The following FAM200B variants were observed in gnomAD, a reference collection of about 807,000 sequenced individuals.
The protein encoded by FAM200B is zinc finger BED-type containing 11.
Under a neutral mutation model 33.1 loss-of-function variants are expected in FAM200B, and 32 were observed. That is an observed-to-expected ratio of 0.97 (90% confidence interval 0.73 to 1.30). FAM200B has a LOEUF of 1.30. Ranked by LOEUF, FAM200B falls within the 50% of genes most tolerant of loss-of-function variation. The probability of loss-of-function intolerance (pLI) is 0.00; values close to 1 mark genes in which losing one functional copy is unlikely to be tolerated. For synonymous variants in FAM200B, 240 were observed against 264.8 expected (o/e 0.91, Z 0.91); for missense variants, 741 against 754.0 (o/e 0.98, Z 0.20).
the FAM200B span, chr4:15,656,293 CTG>C: frequency 1.8e-5 from 8 of 456,028 alleles, no homozygotes; most frequent in Non-Finnish European, 3.5e-5. Context: ...CCTGGAGACT[CTG>C]TTCTCTGCTC....
the FAM200B span, among the ~76,000 whole-genome samples, chr4:15,661,584 G>GTT: frequency 6.6e-6 from 1 of 152,178 alleles, no homozygotes; most frequent in Non-Finnish European, 1.5e-5. Context: ...ACATTTAGTT[G>GTT]TAAGTGACAG....
At chr4:15,637,902 T>TTTAAAAA in the FAM200B span, among the ~76,000 whole-genome samples, 1 of 144,802 alleles carries the variant, frequency 6.9e-6, no homozygotes, top group African/African-American at 2.5e-5. Flanking sequence ...CTAGTTTTTT[T>TTTAAAAA]AAAAAAAAAA....
At chr4:15,676,503 A>C in the FAM200B span, among the ~76,000 whole-genome samples, 5 of 152,232 alleles carry the variant, frequency 3.3e-5, no homozygotes, top group African/African-American at 1.2e-4. Context: ...CAATAAAATG[A>C]AATATGTGGA....
At chr4:15,644,996 T>C in the FAM200B span, among the ~76,000 whole-genome samples, 2 of 152,140 alleles carry the variant, frequency 1.3e-5, no homozygotes, top group Non-Finnish European at 2.9e-5. Context: ...CCAGGCCCCT[T>C]CTAAACCTAA....
At position 15,685,919 on chromosome 4, in the gene FAM200B, A is replaced by T. The variant is rs145044741; in HGVS notation, c.-742-317A>T. Among the ~76,000 whole-genome samples, 992 of 152,332 alleles carry T rather than the reference A, an allele frequency of 6.5e-3. 4 individuals carry two copies. Among genetic ancestry groups the T allele is most frequent in the Middle Eastern group, 0.017 (5 of 292 alleles). ...AGGCATGACCAAGATAGGTGCGGCC[A>T]AGCAAAAAGGAAGTATGTATGGTGA... On this transcript the variant is annotated intron_variant, in intron 1 of 1. Transcript: ENST00000422728.
the FAM200B span, among the ~76,000 whole-genome samples, chr4:15,663,274 G>C: frequency 6.6e-6 from 1 of 152,278 alleles, no homozygotes; most frequent in South Asian, 2.1e-4. Flanking sequence ...GTACTCCACT[G>C]CATGGGACAT....
At chr4:15,678,799 T>C (rs1718088156), upstream of FAM200B, among the ~76,000 whole-genome samples, 1 of 152,184 alleles carries the variant, frequency 6.6e-6, no homozygotes, top group South Asian at 2.1e-4. Context: ...GTCACTGTCT[T>C]CATTTTTCTC....
chr4:15,659,668 CA>C, the FAM200B span: 6 of 932,716 alleles, frequency 6.4e-6, no homozygotes, highest in Non-Finnish European at 7.7e-6. Context: ...AGTTTCCTTG[CA>C]AAATTTTCAG....
At chr4:15,674,207 T>TG in the FAM200B span, among the ~76,000 whole-genome samples, 1 of 148,486 alleles carries the variant, frequency 6.7e-6, no homozygotes, top group African/African-American at 2.5e-5. Flanking sequence ...GCATCGTGTT[T>TG]TTTTTTTTTT....
Position 15,686,847 on chromosome 4 carries a change from TATTCG to T in FAM200B, c.-126_-122del. ...TTGCAACTAGTTGTGAAGTCTGAAA[TATTCG>T]ATTCAATTGCAAACTTTGAGTGTAG... On this transcript the variant is annotated 5_prime_UTR_variant, in exon 2 of 2. An upstream open reading frame in the 5' UTR gains an earlier in-frame stop. Coordinates refer to ENST00000422728, the MANE Select transcript of FAM200B (RefSeq NM_001145191.2). The T allele has an allele frequency of 4.1e-6, 2 of 485,558 alleles. No individual in the cohort carries two copies. Among genetic ancestry groups the T allele is most frequent in the Non-Finnish European group, 7.3e-6 (2 of 275,648 alleles). The allele number at this position is 485,558 out of a possible 1,614,324, so 30.1% of individuals were successfully genotyped here.
At chr4:15,683,658 G>C (rs549402288) in intron 1 of FAM200B, among the ~76,000 whole-genome samples, 8 of 152,190 alleles carry the variant, frequency 5.3e-5, no homozygotes, top group Non-Finnish European at 1.0e-4. Flanking sequence ...TTACATGTAT[G>C]TTTTTATAGG....
At chr4:15,685,224 A>T (rs1369337239) in intron 1 of FAM200B, among the ~76,000 whole-genome samples, 1 of 152,198 alleles carries the variant, frequency 6.6e-6, no homozygotes, top group Non-Finnish European at 1.5e-5. Context: ...TTGTCATGAA[A>T]GAAGAAATTT....
At chr4:15,646,778 G>C in the FAM200B span, among the ~76,000 whole-genome samples, 17 of 145,750 alleles carry the variant, frequency 1.2e-4, no homozygotes, top group Non-Finnish European at 2.5e-4. Context: ...TTCCCACTAT[G>C]AGTGAGAACA....
In FAM200B at chr4:15,687,773, C is replaced by G. The variant is rs1371966688; in HGVS notation, c.796C>G (p.His266Asp). ...DFLCFLNLTS[H>D]LSGLDIFTEL... Reference sequence around the variant, plus strand: ...TTTGTGTTTTTTAAATTTAACCTCACACCTAAGTGGATTAGATATTTTTAC... The same window carrying G: ...TTTGTGTTTTTTAAATTTAACCTCAGACCTAAGTGGATTAGATATTTTTAC... The change falls in exon 2 of 2, where the codon CAC becomes GAC. Residue 266 changes from histidine to aspartate, a missense_variant. Physicochemically the swap from His to Asp is moderately conservative, Grantham distance 81. Coordinates refer to ENST00000422728, the MANE Select transcript of FAM200B (RefSeq NM_001145191.2). 6 of 1,550,662 alleles carry G rather than the reference C, an allele frequency of 3.9e-6. No individual in the cohort carries two copies. Among genetic ancestry groups the G allele is most frequent in the Non-Finnish European group, 5.2e-6 (6 of 1,146,502 alleles).
the FAM200B span, chr4:15,659,598 C>G: frequency 3.8e-6 from 1 of 261,974 alleles, no homozygotes; most frequent in African/African-American, 2.3e-5. Flanking sequence ...TTAGATAATA[C>G]TAAAATCATA....
At chr4:15,685,820 G>C (rs1002646693) in intron 1 of FAM200B, among the ~76,000 whole-genome samples, 1 of 152,252 alleles carries the variant, frequency 6.6e-6, no homozygotes, top group East Asian at 1.9e-4. Context: ...TGTAAGGAAG[G>C]GTTGAAACTA....
Position 15,687,313 on chromosome 4 carries a change from T to C in FAM200B, c.336T>C (p.Ala112=). 6.5e-7 allele frequency: 1 copy of C among 1,545,690 alleles called. No homozygotes were observed. Among genetic ancestry groups the C allele is most frequent in the Non-Finnish European group, 8.7e-7 (1 of 1,143,454 alleles). The part of the protein sequence containing the change: ...KLKRHLETQH[A]ELIDKPLEYF... ...AAAGGCACTTAGAAACTCAGCATGCTGAACTTATTGATAAGCCTCTTGAAT... is the reference window on the plus strand; with the variant it reads ...AAAGGCACTTAGAAACTCAGCATGCCGAACTTATTGATAAGCCTCTTGAAT... The change falls in exon 2 of 2, where the codon GCT becomes GCC. Residue 112 remains alanine (A), a synonymous_variant. Coordinates refer to ENST00000422728, the MANE Select transcript of FAM200B (RefSeq NM_001145191.2).
At chr4:15,643,643 G>C in the FAM200B span, among the ~76,000 whole-genome samples, 1 of 152,204 alleles carries the variant, frequency 6.6e-6, no homozygotes, top group Admixed American at 6.5e-5. Flanking sequence ...CTGACCTCAA[G>C]TGATCCACTA....
chr4:15,638,634 T>C, the FAM200B span: 2 of 1,613,626 alleles, frequency 1.2e-6, no homozygotes, highest in East Asian at 2.2e-5. Flanking sequence ...GCAATCACTT[T>C]CTTTTTAATA....
Sources: allele counts gnomAD v4.1 joint callset (sites outside exome capture counted in the v4.1 genomes callset), GRCh38; gene constraint gnomAD v4.1.1; transcripts MANE v1.5; gene names NCBI Gene and HGNC (gene_info 2026-07-23, HGNC 2026-07-21).